Variants in CDH8 observed in about 807,000 individuals in gnomAD.
CDH8 encodes the protein cadherin-8.
In CDH8, 17 loss-of-function variants were observed where a neutral mutation model predicts 68.1. The observed-to-expected ratio is 0.25, with a 90% CI of 0.17 to 0.37. The LOEUF (loss-of-function observed/expected upper bound fraction) is 0.37. Among genes scored for constraint, CDH8 ranks in the 10% least tolerant of loss-of-function variants. The pLI is 1.00. For missense variants in CDH8, 763 were observed against 999.3 expected, an observed-to-expected ratio of 0.76 and a Z score of 3.19; for synonymous variants, 372 against 365.1, an observed-to-expected ratio of 1.02 and a Z score of -0.21.
rs1267235450 is a variant in CDH8 at position 61,912,855 on chromosome 16, A to G, written c.253-11382T>C. On this transcript the variant is annotated intron_variant, in intron 2 of 11. Transcript: ENST00000577390. The stretch of plus-strand genomic sequence containing the variant: ...CTACTCTCTCAAATATCATTACCCC[A>G]TATAGCTTGACTTCCATATCCGTGG... Among the ~76,000 whole-genome samples, 4 of 152,240 alleles carry G rather than the reference A, an allele frequency of 2.6e-5. 1 individual carries two copies. Among genetic ancestry groups the G allele is most frequent in the Admixed American group, 2.6e-4 (4 of 15,260 alleles).
chr16:61,891,430 G>A (rs889941030), intron 3 of CDH8, among the ~76,000 whole-genome samples: 2 of 152,036 alleles, frequency 1.3e-5, no homozygotes. Flanking sequence ...ATGCATTTTA[G>A]GCACCCCTAA....
At chr16:61,748,182 C>T (rs920870952) in intron 8 of CDH8, among the ~76,000 whole-genome samples, 3 of 151,682 alleles carry the variant, frequency 2.0e-5, no homozygotes, top group African/African-American at 7.3e-5. Context: ...AACCACTACC[C>T]TACTCCATTA....
chr16:61,710,670 C>T (rs2142864509), intron 10 of CDH8: 1 of 152,088 alleles, frequency 6.6e-6, no homozygotes, highest in South Asian at 2.1e-4. Context: ...TTTCTTTACA[C>T]ACATGATTTA....
intron 8 of CDH8, among the ~76,000 whole-genome samples, chr16:61,736,960 T>C (rs1437065520): frequency 6.6e-6 from 1 of 152,174 alleles, no homozygotes; most frequent in African/African-American, 2.4e-5. Context: ...CCCATATCAA[T>C]TGGTCACAAA....
rs1018920744 is a variant in CDH8 at position 61,651,404 on chromosome 16, A to T, written c.*2204T>A. On this transcript the variant is annotated 3_prime_UTR_variant, in exon 12 of 12. Coordinates refer to ENST00000577390, the MANE Select transcript of CDH8 (RefSeq NM_001796.5). ...ACTTATTCTCAGCAACAGAAACTCA[A>T]TAAAAAGTTGATTAAGCCACCGGAT... 1 of 152,198 alleles carries T rather than the reference A, an allele frequency of 6.6e-6. No homozygotes were observed. Among genetic ancestry groups the T allele is most frequent in the Admixed American group, 6.5e-5 (1 of 15,272 alleles). 9.4% of individuals were successfully genotyped at this position (152,198 alleles called of 1,614,324 possible).
intron 3 of CDH8, among the ~76,000 whole-genome samples, chr16:61,862,971 A>T (rs889776788): frequency 6.6e-6 from 1 of 152,136 alleles, no homozygotes; most frequent in Admixed American, 6.6e-5. Flanking sequence ...GTGACTATAA[A>T]TTTGACACTG....
At chr16:61,718,515 G>T (rs1015892858) in intron 9 of CDH8, among the ~76,000 whole-genome samples, 1 of 151,308 alleles carries the variant, frequency 6.6e-6, no homozygotes, top group Non-Finnish European at 1.5e-5. Context: ...TGATAGAAAG[G>T]GGGTGAAGGA....
chr16:61,996,450 C>T (rs938148906), intron 2 of CDH8, among the ~76,000 whole-genome samples: 1 of 152,156 alleles, frequency 6.6e-6, no homozygotes, highest in Admixed American at 6.5e-5. Flanking sequence ...CATTAATGTA[C>T]TAACTCATCA....
intron 7 of CDH8, among the ~76,000 whole-genome samples, chr16:61,791,584 C>T (rs1961381497): frequency 6.6e-6 from 1 of 151,976 alleles, no homozygotes; most frequent in East Asian, 1.9e-4. Context: ...ATATTTCACA[C>T]ATCCATGCGT....
chr16:61,779,425 A>ATGTGTGTGTGTGTGTGTG (rs10539934), intron 8 of CDH8, among the ~76,000 whole-genome samples: 1 of 139,034 alleles, frequency 7.2e-6, no homozygotes, highest in Non-Finnish European at 1.5e-5. Flanking sequence ...ATGTTCGTTT[A>ATGTGTGTGTGTGTGTGTG]TGTGTGTGTG....
At chr16:61,910,880 T>C (rs1056900132) in intron 2 of CDH8, among the ~76,000 whole-genome samples, 2 of 152,234 alleles carry the variant, frequency 1.3e-5, no homozygotes, top group East Asian at 1.9e-4. Context: ...AATTAAATTA[T>C]CTGGATACAA....
chr16:61,808,292 A>G (rs1042652711), intron 7 of CDH8, among the ~76,000 whole-genome samples: 1 of 152,302 alleles, frequency 6.6e-6, no homozygotes, highest in African/African-American at 2.4e-5. Context: ...AACAGCCTCA[A>G]TTCCAAACCC....
chr16:62,010,341 T>C (rs1455675987), intron 2 of CDH8, among the ~76,000 whole-genome samples: 1 of 152,168 alleles, frequency 6.6e-6, no homozygotes, highest in Non-Finnish European at 1.5e-5. Context: ...TAGCACACTG[T>C]GCACCTACCA....
chr16:61,735,474 T>G (rs1379174724), intron 8 of CDH8, among the ~76,000 whole-genome samples: 1 of 152,138 alleles, frequency 6.6e-6, no homozygotes, highest in East Asian at 1.9e-4. Context: ...CCTGAGAATT[T>G]CGATAAATGC....
chr16:61,955,023 CAG>C (rs1418277132), intron 2 of CDH8, among the ~76,000 whole-genome samples: 1 of 152,142 alleles, frequency 6.6e-6, no homozygotes, highest in Non-Finnish European at 1.5e-5. Flanking sequence ...AGAAATGAAA[CAG>C]AGTCAGGGAA....
At chr16:61,860,473 G>A (rs144137475) in intron 3 of CDH8, among the ~76,000 whole-genome samples, 20 of 152,172 alleles carry the variant, frequency 1.3e-4, no homozygotes, top group East Asian at 3.9e-4. Flanking sequence ...CAGAGTTACC[G>A]AAAGAACTAA....
chr16:61,938,744 G>A (rs1303528552), intron 2 of CDH8, among the ~76,000 whole-genome samples: 1 of 152,096 alleles, frequency 6.6e-6, no homozygotes, highest in Non-Finnish European at 1.5e-5. Context: ...TGGAAAAGAG[G>A]GTGTACTGAA....
chr16:61,873,368 C>G (rs1963403791), intron 3 of CDH8, among the ~76,000 whole-genome samples: 1 of 152,116 alleles, frequency 6.6e-6, no homozygotes, highest in Non-Finnish European at 1.5e-5. Context: ...GTGGACGACA[C>G]AGGCTACTTA....
At chr16:61,693,561 C>T (rs1426176882) in intron 10 of CDH8, 3 of 152,016 alleles carry the variant, frequency 2.0e-5, no homozygotes. Flanking sequence ...TAAGATGGCA[C>T]CTCATAGAGG....
Sources: allele counts gnomAD v4.1 joint callset (sites outside exome capture counted in the v4.1 genomes callset), GRCh38; gene constraint gnomAD v4.1.1; transcripts MANE v1.5; gene names NCBI Gene and HGNC (gene_info 2026-07-23, HGNC 2026-07-21).